The following APBA2 variants were observed in gnomAD, a reference collection of about 807,000 sequenced individuals.
APBA2 encodes amyloid beta precursor protein binding family A member 2.
In APBA2, 30 loss-of-function variants were observed where a neutral mutation model predicts 75.0. That is an observed-to-expected ratio of 0.40 (90% CI 0.30 to 0.54). The LOEUF is 0.54. Ranked by LOEUF, APBA2 falls within the 20% of genes least tolerant of loss-of-function variation. The pLI is 0.49. For synonymous variants in APBA2, 444 were observed against 409.6 expected (o/e 1.08, Z -1.01); for missense variants, 801 against 1,016.1 (o/e 0.79, Z 2.88).
intron 4 of APBA2, among the ~76,000 whole-genome samples, chr15:29,074,104 A>G (rs1468956164): frequency 6.6e-6 from 1 of 152,190 alleles, no homozygotes; most frequent in African/African-American, 2.4e-5. Context: ...AAACTGAAAA[A>G]TAGAGTTATC....
intron 3 of APBA2, among the ~76,000 whole-genome samples, chr15:29,021,121 G>A (rs1410141876): frequency 6.6e-6 from 1 of 152,028 alleles, no homozygotes; most frequent in Non-Finnish European, 1.5e-5. Flanking sequence ...AGGAAGCTTG[G>A]GATGTTAAGG....
intron 2 of APBA2, among the ~76,000 whole-genome samples, chr15:28,968,762 G>C (rs912389413): frequency 6.6e-6 from 1 of 152,142 alleles, no homozygotes; most frequent in African/African-American, 2.4e-5. Flanking sequence ...GGTCATTAGG[G>C]CAGGCCCTAA....
intron 4 of APBA2, among the ~76,000 whole-genome samples, chr15:29,066,018 G>C (rs114739894): frequency 0.014 from 2,081 of 152,292 alleles, 43 homozygotes; most frequent in African/African-American, 0.048. Context: ...GGCGGCATCA[G>C]TCATTTACCC....
At chr15:29,116,517 A>T (rs1216897584) in intron 14 of APBA2, among the ~76,000 whole-genome samples, 4 of 151,788 alleles carry the variant, frequency 2.6e-5, no homozygotes, top group Admixed American at 2.6e-4. Flanking sequence ...AATCCCAGCT[A>T]CTGAGGAGGC....
chr15:29,005,261 CTTTTTTTTT>C (rs2039054231), intron 3 of APBA2, among the ~76,000 whole-genome samples: 1 of 151,208 alleles, frequency 6.6e-6, no homozygotes, highest in Non-Finnish European at 1.5e-5. Context: ...AATAATGTGC[CTTTTTTTTT>C]GTTTTTTTGA....
intron 3 of APBA2, among the ~76,000 whole-genome samples, chr15:29,042,219 GCAAATTACTGTATGT>G (rs1484261167): frequency 1.3e-5 from 2 of 152,144 alleles, no homozygotes; most frequent in African/African-American, 4.8e-5. Context: ...TAGGGCCTAC[GCAAATTACTGTATGT>G]CAACTAATTA....
At chr15:28,929,102 G>A (rs1335215846) in intron 2 of APBA2, among the ~76,000 whole-genome samples, 1 of 152,106 alleles carries the variant, frequency 6.6e-6, no homozygotes, top group Non-Finnish European at 1.5e-5. Context: ...AGTTCTTTAC[G>A]TGTTGGAGCG....
intron 2 of APBA2, among the ~76,000 whole-genome samples, chr15:28,947,089 T>C (rs936244105): frequency 6.6e-6 from 1 of 152,220 alleles, no homozygotes; most frequent in African/African-American, 2.4e-5. Flanking sequence ...GTCCCTCTTT[T>C]CCTGGAGAGC....
intron 3 of APBA2, among the ~76,000 whole-genome samples, chr15:29,025,093 T>C (rs1403751971): frequency 6.6e-6 from 1 of 151,844 alleles, no homozygotes; most frequent in African/African-American, 2.4e-5. Flanking sequence ...TGCATTCTAT[T>C]GCAGCATGTC....
At chr15:29,066,432 G>T (rs2042381523) in intron 4 of APBA2, among the ~76,000 whole-genome samples, 1 of 152,232 alleles carries the variant, frequency 6.6e-6, no homozygotes, top group Admixed American at 6.5e-5. Context: ...AAGACGTCCT[G>T]CTAAGTGCAA....
At chr15:28,985,002 G>A (rs916186490) in intron 2 of APBA2, among the ~76,000 whole-genome samples, 1 of 152,102 alleles carries the variant, frequency 6.6e-6, no homozygotes, top group African/African-American at 2.4e-5. Context: ...GGGATGCAGA[G>A]CGGCTTGGAT....
chr15:28,976,969 A>G (rs531916281), intron 2 of APBA2: 3 of 152,318 alleles, frequency 2.0e-5, no homozygotes, highest in African/African-American at 7.2e-5. Flanking sequence ...GCCAGATTTC[A>G]AGTGACTAAT....
At chr15:28,986,317 A>G (rs1392771963) in intron 2 of APBA2, among the ~76,000 whole-genome samples, 4 of 152,168 alleles carry the variant, frequency 2.6e-5, no homozygotes, top group Admixed American at 6.5e-5. Flanking sequence ...TTAATGTGAC[A>G]GACAGCGTTT....
chr15:29,087,465 A>AC (rs560011348), intron 6 of APBA2, among the ~76,000 whole-genome samples: 1 of 151,314 alleles, frequency 6.6e-6, no homozygotes, highest in Non-Finnish European at 1.5e-5. Flanking sequence ...ACACTGTGGA[A>AC]CCCCCAAATC....
At chr15:28,987,752 ATT>A (rs2038003152) in intron 2 of APBA2, among the ~76,000 whole-genome samples, 1 of 137,914 alleles carries the variant, frequency 7.3e-6, no homozygotes, top group South Asian at 2.5e-4. Context: ...ATATATATAT[ATT>A]CTTTTTTTTT....
chr15:28,973,647 A>T (rs57114798), intron 2 of APBA2, among the ~76,000 whole-genome samples: 40,504 of 150,434 alleles, frequency 0.27, 10,038 homozygotes, highest in African/African-American at 0.63. Flanking sequence ...TAAAATGTTT[A>T]AAAAAAATTG....
intron 6 of APBA2, among the ~76,000 whole-genome samples, chr15:29,081,543 C>G (rs1194298214): frequency 6.6e-6 from 1 of 152,220 alleles, no homozygotes; most frequent in Non-Finnish European, 1.5e-5. Context: ...ACCTCTTGTT[C>G]TGCCTATACA....
At chr15:29,027,664 G>A (rs1179922084) in intron 3 of APBA2, among the ~76,000 whole-genome samples, 1 of 151,160 alleles carries the variant, frequency 6.6e-6, no homozygotes, top group Admixed American at 6.6e-5. Context: ...GTGCAGTGGT[G>A]TGATCTCAGC....
At chr15:28,984,659 G>A (rs2037803601) in intron 2 of APBA2, among the ~76,000 whole-genome samples, 1 of 151,990 alleles carries the variant, frequency 6.6e-6, no homozygotes, top group African/African-American at 2.4e-5. Context: ...TCTGGGTGCT[G>A]GGGGAGCTGC....
Sources: allele counts gnomAD v4.1 joint callset (sites outside exome capture counted in the v4.1 genomes callset), GRCh38; gene constraint gnomAD v4.1.1; transcripts MANE v1.5; gene names NCBI Gene and HGNC (gene_info 2026-07-23, HGNC 2026-07-21).